FMN2: variants seen among roughly 807,000 people sequenced by gnomAD.
FMN2 encodes the protein formin 2, also known as formin-2.
A neutral mutation model predicts 142.3 loss-of-function variants in FMN2; 51 were observed. That is an observed-to-expected ratio of 0.36 (90% confidence interval 0.29 to 0.45). The LOEUF is 0.45. Ranked by LOEUF, FMN2 falls within the 20% of genes least tolerant of loss-of-function variation. The pLI is 1.00. For missense variants in FMN2, 1,936 were observed against 2,122.8 expected, an observed-to-expected ratio of 0.91 and a Z score of 1.73; for synonymous variants, 882 against 869.8, an observed-to-expected ratio of 1.01 and a Z score of -0.25.
chr1:240,159,885 A>ATATATATATATATATCT (rs1432001270), intron 2 of FMN2, among the ~76,000 whole-genome samples: 17 of 136,324 alleles, frequency 1.2e-4, no homozygotes, highest in Non-Finnish European at 1.9e-4. Flanking sequence ...ATACATGGAG[A>ATATATATATATATATCT]GATATATATA....
At chr1:240,290,781 TTTTTTTTTTTTG>T (rs1281748993) in intron 7 of FMN2, among the ~76,000 whole-genome samples, 3,210 of 85,838 alleles carry the variant, frequency 0.037, 59 homozygotes, top group Non-Finnish European at 0.048. Context: ...GTTTGTTTGG[TTTTTTTTTTTTG>T]TTTTTTTTTT....
intron 14 of FMN2, among the ~76,000 whole-genome samples, chr1:240,366,991 C>T (rs745829530): frequency 1.1e-4 from 16 of 152,234 alleles, no homozygotes; most frequent in Middle Eastern, 3.4e-3. Context: ...TCTTCTGCCT[C>T]GGAGGTAAAG....
intron 5 of FMN2, among the ~76,000 whole-genome samples, chr1:240,209,954 G>A (rs567733353): frequency 1.4e-4 from 22 of 152,184 alleles, no homozygotes; most frequent in Non-Finnish European, 3.1e-4. Context: ...CACAGCCCTG[G>A]TTTACAGTCC....
chr1:240,357,948 A>G (rs2103049702), intron 14 of FMN2, among the ~76,000 whole-genome samples: 1 of 91,066 alleles, frequency 1.1e-5, no homozygotes, highest in East Asian at 2.7e-4. Flanking sequence ...CTCAGATATT[A>G]ACTTTTTTTT....
chr1:240,310,763 G>T (rs1190347588), intron 8 of FMN2, among the ~76,000 whole-genome samples: 5 of 152,246 alleles, frequency 3.3e-5, no homozygotes, highest in South Asian at 2.1e-4. Context: ...AGTAGACTGT[G>T]GTGTGGGGAA....
chr1:240,359,910 C>T (rs547891137), intron 14 of FMN2, among the ~76,000 whole-genome samples: 8 of 152,118 alleles, frequency 5.3e-5, no homozygotes, highest in Admixed American at 3.9e-4. Context: ...TGCTTCTTGC[C>T]GTACCCCTGT....
chr1:240,321,487 A>T (rs897539379), intron 8 of FMN2, among the ~76,000 whole-genome samples: 2 of 152,214 alleles, frequency 1.3e-5, no homozygotes, highest in African/African-American at 4.8e-5. Flanking sequence ...GCTCTGTGTA[A>T]ATCAGTGAAT....
chr1:240,315,862 G>A (rs1359924417), intron 8 of FMN2, among the ~76,000 whole-genome samples: 2 of 152,142 alleles, frequency 1.3e-5, no homozygotes, highest in Admixed American at 6.5e-5. Flanking sequence ...CTTGAATGTG[G>A]AATGTGTAAA....
chr1:240,294,866 C>G lies in FMN2; in HGVS notation c.4198C>G (p.Gln1400Glu). 6.2e-7 allele frequency: 1 copy of G among 1,613,884 alleles called. No homozygotes were observed. The highest frequency in any genetic ancestry group is 8.5e-7 in the Non-Finnish European group (1 of 1,179,834). ...DNSVVDLETLQALYENRAQSD... is the reference protein window; with the variant it reads ...DNSVVDLETLEALYENRAQSD... ...TTCTGTGGTTGACCTGGAGACCCTTCAAGCTCTCTATGAGAATGTGAGTAA... is the reference window on the plus strand; with the variant it reads ...TTCTGTGGTTGACCTGGAGACCCTTGAAGCTCTCTATGAGAATGTGAGTAA... Residue 1400 changes from glutamine to glutamate, a missense_variant, in exon 8 of 18, where the codon CAA (glutamine) becomes GAA (glutamate). Gln to Glu is a conservative substitution (Grantham distance 29). Coordinates refer to ENST00000319653, the MANE Select transcript of FMN2 (RefSeq NM_020066.5).
chr1:240,330,968 A>C (rs570823996), intron 11 of FMN2, among the ~76,000 whole-genome samples: 17 of 152,182 alleles, frequency 1.1e-4, no homozygotes, highest in Non-Finnish European at 1.9e-4. Flanking sequence ...TCTAATGTAT[A>C]ATTACAACTT....
At chr1:240,126,156 G>C (rs1229946782) in intron 2 of FMN2, among the ~76,000 whole-genome samples, 3 of 152,294 alleles carry the variant, frequency 2.0e-5, no homozygotes, top group African/African-American at 7.2e-5. Flanking sequence ...TAATGATACA[G>C]GGGGTTCTGA....
intron 2 of FMN2, among the ~76,000 whole-genome samples, chr1:240,145,694 G>C (rs948062920): frequency 5.9e-5 from 9 of 151,586 alleles, no homozygotes; most frequent in Non-Finnish European, 1.5e-5. Flanking sequence ...ATTTTTTGTA[G>C]AGACAGGTTC....
intron 15 of FMN2, 81 bp from the exon 16 acceptor site, chr1:240,437,980 C>A: frequency 6.7e-7 from 1 of 1,488,138 alleles, no homozygotes; most frequent in Middle Eastern, 1.8e-4. Flanking sequence ...TGAATAAAAT[C>A]AGCATTTGGA....
At chr1:240,107,892 A>C (rs1430795051) in intron 1 of FMN2, among the ~76,000 whole-genome samples, 1 of 152,210 alleles carries the variant, frequency 6.6e-6, no homozygotes, top group Admixed American at 6.5e-5. Context: ...GATGTGGAAC[A>C]CATCTTTTAA....
intron 6 of FMN2, among the ~76,000 whole-genome samples, chr1:240,228,328 A>AAAAAAAAAAAAAG (rs1558380489): frequency 3.0e-5 from 2 of 66,362 alleles, no homozygotes; most frequent in Non-Finnish European, 5.4e-5. Flanking sequence ...AAAAAAAAAA[A>AAAAAAAAAAAAAG]AAAAGAAAAA....
intron 4 of FMN2, among the ~76,000 whole-genome samples, chr1:240,196,713 G>C (rs1375011482): frequency 6.6e-6 from 1 of 152,058 alleles, no homozygotes; most frequent in African/African-American, 2.4e-5. Flanking sequence ...ATATTTTGCT[G>C]TGTTGGCCAG....
At chr1:240,327,865 G>C (rs1671221915) in intron 8 of FMN2, among the ~76,000 whole-genome samples, 1 of 152,006 alleles carries the variant, frequency 6.6e-6, no homozygotes, top group Non-Finnish European at 1.5e-5. Flanking sequence ...AGAAAATCCA[G>C]GCCAGGCGCA....
At chr1:240,260,233 C>T (rs970102831) in intron 7 of FMN2, among the ~76,000 whole-genome samples, 5 of 152,092 alleles carry the variant, frequency 3.3e-5, no homozygotes, top group South Asian at 2.1e-4. Flanking sequence ...GTATCTTTTT[C>T]GTACAATGGC....
intron 7 of FMN2, among the ~76,000 whole-genome samples, chr1:240,273,445 T>A (rs1204422717): frequency 2.6e-5 from 4 of 152,182 alleles, no homozygotes; most frequent in Non-Finnish European, 5.9e-5. Context: ...GAACCTCTGC[T>A]GTACTTGCTG....
Sources: allele counts gnomAD v4.1 joint callset (sites outside exome capture counted in the v4.1 genomes callset), GRCh38; gene constraint gnomAD v4.1.1; transcripts MANE v1.5; gene names NCBI Gene and HGNC (gene_info 2026-07-23, HGNC 2026-07-21).